CLTC: variants seen among roughly 807,000 people sequenced by gnomAD.
CLTC encodes the protein clathrin heavy chain 1.
CLTC carries 16 observed loss-of-function variants against 195.8 expected under a neutral mutation model. That is an observed-to-expected ratio of 0.08 (90% CI 0.06 to 0.12). CLTC has a LOEUF of 0.12. CLTC is among the 10% of genes least tolerant of loss of function. The pLI, the probability that CLTC is intolerant of heterozygous loss-of-function variation, is 1.00. For synonymous variants in CLTC, 667 were observed against 689.4 expected, an observed-to-expected ratio of 0.97 and a Z score of 0.51; for missense variants, 796 against 2,027.0, an observed-to-expected ratio of 0.39 and a Z score of 11.66.
intron 1 of CLTC, among the ~76,000 whole-genome samples, chr17:59,635,727 A>G (rs545558433): frequency 8.9e-4 from 136 of 152,300 alleles, no homozygotes; most frequent in African/African-American, 3.2e-3. Flanking sequence ...TCCTCTTAAC[A>G]ATATTTTCAT....
At position 59,664,905 on chromosome 17, in the gene CLTC, C is replaced by T. The variant is rs2032693265; in HGVS notation, c.1640C>T (p.Thr547Ile). 1 of 1,613,860 alleles carries T rather than the reference C, an allele frequency of 6.2e-7. No individual in the cohort carries two copies. Among genetic ancestry groups the T allele is most frequent in the Admixed American group, 1.7e-5 (1 of 59,992 alleles). ...GATGAAGAGCCTCTTGCTGACATCACACAGGTAATGTGATTAAAATATATT... is the reference window on the plus strand; with the variant it reads ...GATGAAGAGCCTCTTGCTGACATCATACAGGTAATGTGATTAAAATATATT... ...VQDEEPLADI[T>I]QIVDVFMEYN... The change falls in exon 10 of 32, where the codon ACA becomes ATA. Residue 547 changes from threonine (T) to isoleucine (I), a missense_variant. Physicochemically the swap from Thr to Ile is moderately conservative, Grantham distance 89 (BLOSUM62 -1). Coordinates refer to ENST00000269122, the MANE Select transcript of CLTC (RefSeq NM_004859.4).
Position 59,694,507 on chromosome 17 carries a change from G to A in CLTC, c.*655G>A, listed in dbSNP as rs2033379043. The A allele has an allele frequency of 4.4e-6, 1 of 226,740 alleles. No individual in the cohort carries two copies. Among genetic ancestry groups the A allele is most frequent in the Non-Finnish European group, 8.8e-6 (1 of 113,800 alleles). 14.0% of individuals were successfully genotyped at this position (226,740 alleles called of 1,614,324 possible). A position where few individuals can be genotyped will look rare whatever the true frequency, so the allele number is the denominator to read the frequency against. On this transcript the variant is annotated 3_prime_UTR_variant, in exon 32 of 32. Transcript: ENST00000269122. ...CTAGTATGTTTTGCTCACTTCATAT[G>A]TAACAGGTGCCCTTATGTTGTGCTG...
chr17:59,663,601 A>G (rs762726352), intron 8 of CLTC, among the ~76,000 whole-genome samples: 3 of 152,250 alleles, frequency 2.0e-5, no homozygotes, highest in Non-Finnish European at 4.4e-5. Context: ...GATAGTATCT[A>G]TAAGATTGCA....
chr17:59,665,226 GAAA>G, intron 10 of CLTC, among the ~76,000 whole-genome samples: 1 of 145,298 alleles, frequency 6.9e-6, no homozygotes, highest in East Asian at 2.0e-4. Flanking sequence ...CTCTCAAAAA[GAAA>G]AAAAAAAAAG....
At chr17:59,651,835 G>A (rs1337284520) in intron 5 of CLTC, among the ~76,000 whole-genome samples, 1 of 152,146 alleles carries the variant, frequency 6.6e-6, no homozygotes, top group Non-Finnish European at 1.5e-5. Flanking sequence ...AAATAAGACA[G>A]CAAAGAAGTT....
At chr17:59,637,177 C>T (rs1389890181) in intron 1 of CLTC, among the ~76,000 whole-genome samples, 4 of 151,968 alleles carry the variant, frequency 2.6e-5, no homozygotes, top group East Asian at 1.9e-4. Context: ...TCCTCATTGT[C>T]CCTAAATGTT....
chr17:59,678,764 G>A (rs1482203706), intron 17 of CLTC, among the ~76,000 whole-genome samples: 1 of 152,180 alleles, frequency 6.6e-6, no homozygotes, highest in Non-Finnish European at 1.5e-5. Context: ...ACTTTGGGAG[G>A]CCGAGGCAGG....
Position 59,685,447 on chromosome 17 carries a change from T to A in CLTC, c.4606-140T>A. ...TAGCTTATCTCTTCTTTGAAAATTT[T>A]AATTTAAATGATACAACTAGGAGGC... On this transcript the variant is annotated intron_variant, in intron 29 of 31. Transcript: ENST00000269122. This position sits in a 1 kb window ranked among gnomAD's most constrained non-coding sequence, Gnocchi z 5.0. The A allele has an allele frequency of 1.1e-6, 1 of 878,166 alleles. No homozygotes were observed. Among genetic ancestry groups the A allele is most frequent in the Non-Finnish European group, 1.7e-6 (1 of 593,788 alleles). 54.4% of individuals were successfully genotyped at this position (878,166 alleles called of 1,614,324 possible).
At position 59,694,760 on chromosome 17, in the gene CLTC, G is replaced by T. The variant is rs898838126; in HGVS notation, c.*908G>T. The T allele has an allele frequency of 1.3e-5, 3 of 225,624 alleles. No homozygotes were observed. Among genetic ancestry groups the T allele is most frequent in the African/African-American group, 6.7e-5 (3 of 44,916 alleles). The allele number at this position is 225,624 out of a possible 1,614,324, so 14.0% of individuals were successfully genotyped here. A position where few individuals can be genotyped will look rare whatever the true frequency, so the allele number is the denominator to read the frequency against. ...CAAATTTAAAATAAATTACTGGACT[G>T]TGGAAATAACATAGAATTGAAGTTT... is the stretch of plus-strand genomic sequence containing the variant. On this transcript the variant is annotated 3_prime_UTR_variant, in exon 32 of 32. Transcript: ENST00000269122.
rs751793182 is a variant in CLTC, at chr17:59,664,775, G to C, written c.1522-12G>C. 1.2e-6 allele frequency: 2 copies of C among 1,612,040 alleles called. No individual in the cohort carries two copies. Among genetic ancestry groups the C allele is most frequent in the Non-Finnish European group, 1.7e-6 (2 of 1,178,776 alleles). ...ACTTAGGAGCAGCGTTTAAGTCTTTGTTTGTTTATAGGTTGGATACACTCC... is the reference window on the plus strand; with the variant it reads ...ACTTAGGAGCAGCGTTTAAGTCTTTCTTTGTTTATAGGTTGGATACACTCC... On this transcript the variant is annotated splice_polypyrimidine_tract_variant and intron_variant, in intron 9 of 31. Transcript: ENST00000269122.
chr17:59,685,247 G>C lies in CLTC; in HGVS notation c.4605+21G>C. Reference sequence around the variant, plus strand: ...ACAAGGTTGATAAAGTTGCGGGGCAGGGGCTGTTTTAAACCAGGCCTAAAA... The same window carrying C: ...ACAAGGTTGATAAAGTTGCGGGGCACGGGCTGTTTTAAACCAGGCCTAAAA... On this transcript the variant is annotated intron_variant, in intron 29 of 31. Coordinates refer to ENST00000269122, the MANE Select transcript of CLTC (RefSeq NM_004859.4). This position sits in a 1 kb window ranked among gnomAD's most constrained non-coding sequence, Gnocchi z 5.0. 6.4e-7 allele frequency: 1 copy of C among 1,563,354 alleles called. No homozygotes were observed. The highest frequency in any genetic ancestry group is 8.7e-7 in the Non-Finnish European group (1 of 1,150,214).
At chr17:59,643,997 C>G (rs1174290494) in intron 1 of CLTC, among the ~76,000 whole-genome samples, 1 of 152,196 alleles carries the variant, frequency 6.6e-6, no homozygotes, top group Admixed American at 6.5e-5. Flanking sequence ...TACCTCAAAT[C>G]CCTTGAACCA....
At chr17:59,643,245 A>G (rs533435837) in intron 1 of CLTC, among the ~76,000 whole-genome samples, 2 of 152,108 alleles carry the variant, frequency 1.3e-5, no homozygotes, top group African/African-American at 4.8e-5. Flanking sequence ...GGCTAATAAA[A>G]TAAAGCCTCC....
intron 1 of CLTC, among the ~76,000 whole-genome samples, chr17:59,622,712 C>T (rs977339654): frequency 1.3e-5 from 2 of 152,000 alleles, no homozygotes; most frequent in Admixed American, 1.3e-4. Flanking sequence ...GGTCTTTGAC[C>T]TCTGAGCTTC....
At chr17:59,656,238 A>T in intron 6 of CLTC, 1 of 430,798 alleles carries the variant, frequency 2.3e-6, no homozygotes, top group Non-Finnish European at 4.1e-6. Flanking sequence ...AGAAAATAAT[A>T]TATACCTAAA....
chr17:59,668,585 A>G (rs117913886), intron 13 of CLTC, among the ~76,000 whole-genome samples, 192 bp from the exon 14 acceptor site: 401 of 152,300 alleles, frequency 2.6e-3, no homozygotes, highest in Non-Finnish European at 4.1e-3. Flanking sequence ...TGAATTGTCT[A>G]TTCTTCAGGA....
In CLTC at chr17:59,674,853, C is replaced by T; in HGVS notation, c.2561+10C>T. Reference sequence around the variant, plus strand: ...TTGAAAAAAGAAACAGGTGTAGTACCATTTTAACAGGGATAAGTTACTCTT... The same window carrying T: ...TTGAAAAAAGAAACAGGTGTAGTACTATTTTAACAGGGATAAGTTACTCTT... On this transcript the variant is annotated intron_variant, in intron 16 of 31. Transcript: ENST00000269122. 2.5e-6 allele frequency: 4 copies of T among 1,609,860 alleles called. No individual in the cohort carries two copies. Among genetic ancestry groups the T allele is most frequent in the Non-Finnish European group, 3.4e-6 (4 of 1,178,214 alleles).
At chr17:59,658,748 C>T (rs1003190226) in intron 6 of CLTC, 1 of 152,192 alleles carries the variant, frequency 6.6e-6, no homozygotes, top group Non-Finnish European at 1.5e-5. Flanking sequence ...TCTGCTAGAA[C>T]AGTCTTTAAG....
chr17:59,693,680 G>A, intron 31 of CLTC, 48 bp from the exon 32 acceptor site: 1 of 1,571,398 alleles, frequency 6.4e-7, no homozygotes, highest in Non-Finnish European at 8.6e-7. Context: ...AGTTTGTCCT[G>A]CCTCCTTGCC....
Sources: gnomAD v4.1 joint callset for allele counts (sites outside exome capture counted in the v4.1 genomes callset) on GRCh38, gnomAD v4.1.1 for gene constraint, Gnocchi (gnomAD v3.1) non-coding constraint, MANE v1.5 for transcripts, NCBI Gene and HGNC (gene_info 2026-07-23, HGNC 2026-07-21) for gene names.